ADGRL3: variants seen among roughly 807,000 people sequenced by gnomAD.
ADGRL3 encodes the protein adhesion G protein-coupled receptor L3.
Under a neutral mutation model 153.5 loss-of-function variants are expected in ADGRL3, and 62 were observed. That is an observed-to-expected ratio of 0.40 (90% CI 0.33 to 0.50). The LOEUF (loss-of-function observed/expected upper bound fraction) is 0.50, where lower values mean the gene tolerates loss of function less well. Among genes scored for constraint, ADGRL3 ranks in the 20% least tolerant of loss-of-function variants. The pLI, the probability that ADGRL3 is intolerant of heterozygous loss-of-function variation, is 0.47. For synonymous variants in ADGRL3, 710 were observed against 672.5 expected, an observed-to-expected ratio of 1.06 and a Z score of -0.86; for missense variants, 1,641 against 1,859.4, an observed-to-expected ratio of 0.88 and a Z score of 2.16.
chr4:61,388,867 C>A (rs1357074022), intron 2 of ADGRL3, among the ~76,000 whole-genome samples: 2 of 152,162 alleles, frequency 1.3e-5, no homozygotes, highest in Non-Finnish European at 2.9e-5. Context: ...CTCATGGCAG[C>A]CTTCCCTGCA....
intron 1 of ADGRL3, among the ~76,000 whole-genome samples, chr4:61,276,624 GT>G (rs532926236): frequency 3.7e-4 from 57 of 152,012 alleles, no homozygotes; most frequent in African/African-American, 1.4e-3. Flanking sequence ...ATTCATTTTT[GT>G]CAATTAGTAA....
chr4:61,737,583 A>G (rs1014133205), intron 8 of ADGRL3, among the ~76,000 whole-genome samples: 4 of 152,120 alleles, frequency 2.6e-5, no homozygotes, highest in Non-Finnish European at 5.9e-5. Context: ...AATAACTCCA[A>G]CCTCAGAAGA....
intron 2 of ADGRL3, among the ~76,000 whole-genome samples, chr4:61,425,871 T>TGGCC (rs1165694355): frequency 6.6e-6 from 1 of 152,240 alleles, no homozygotes; most frequent in African/African-American, 2.4e-5. Context: ...CGAGAGTCCA[T>TGGCC]GGCCAAAGCC....
intron 9 of ADGRL3, among the ~76,000 whole-genome samples, chr4:61,822,317 TC>T (rs1378211101): frequency 6.6e-6 from 1 of 152,168 alleles, no homozygotes; most frequent in Non-Finnish European, 1.5e-5. Context: ...TAAAGACAAT[TC>T]CCATTTATTA....
chr4:61,504,445 G>C (rs1331939795), intron 3 of ADGRL3, among the ~76,000 whole-genome samples: 2 of 152,188 alleles, frequency 1.3e-5, no homozygotes, highest in African/African-American at 4.8e-5. Context: ...GTAAGGATCA[G>C]TTACTCCAGG....
At chr4:61,717,161 G>T (rs1441477902) in intron 6 of ADGRL3, among the ~76,000 whole-genome samples, 3 of 150,742 alleles carry the variant, frequency 2.0e-5, no homozygotes, top group East Asian at 2.0e-4. Context: ...CATTTTTTTT[G>T]AAGTAGATGC....
chr4:61,353,248 C>T (rs1323803991), intron 1 of ADGRL3, among the ~76,000 whole-genome samples: 4 of 151,974 alleles, frequency 2.6e-5, no homozygotes, highest in Admixed American at 6.6e-5. Flanking sequence ...TATGTATACT[C>T]GCATATATAT....
chr4:61,497,950 A>C (rs535348816), intron 3 of ADGRL3, among the ~76,000 whole-genome samples: 2 of 152,310 alleles, frequency 1.3e-5, no homozygotes, highest in African/African-American at 4.8e-5. Flanking sequence ...TTTAGTCTTT[A>C]CTACACTTTT....
chr4:61,476,023 C>A (rs1263822163), intron 2 of ADGRL3, among the ~76,000 whole-genome samples: 2 of 152,086 alleles, frequency 1.3e-5, no homozygotes, highest in Non-Finnish European at 2.9e-5. Flanking sequence ...TTTCTTTGGG[C>A]TTTGCTGAGT....
chr4:61,417,357 G>A (rs947987234), intron 2 of ADGRL3, among the ~76,000 whole-genome samples: 2 of 152,120 alleles, frequency 1.3e-5, no homozygotes, highest in South Asian at 2.1e-4. Context: ...ATGGTGGTGC[G>A]TATCTGTGGT....
chr4:61,432,642 CTTTCTTTCTTTCTTTT>C lies in ADGRL3; in HGVS notation c.-174+49457_-174+49472del, dbSNP rs1560623586. 7.4e-3 allele frequency among the ~76,000 whole-genome samples: 170 copies of C among 22,950 alleles called. 10 individuals carry two copies. Among genetic ancestry groups the C allele is most frequent in the African/African-American group, 0.022 (158 of 7,112 alleles). The allele number at this position is 22,950 out of a possible 152,430, so 15.1% of individuals were successfully genotyped here. On this transcript the variant is annotated intron_variant, in intron 2 of 26. Transcript: ENST00000683033. ...TCTTTCTTTCTTTCTTTCTTTCTTT[CTTTCTTTCTTTCTTTT>C]TTTTTTTTTTTTGAGACAGAATTTC...
At chr4:61,783,168 AG>A (rs1390840817) in intron 8 of ADGRL3, among the ~76,000 whole-genome samples, 1 of 152,118 alleles carries the variant, frequency 6.6e-6, no homozygotes, top group African/African-American at 2.4e-5. Flanking sequence ...GGCCAAACAG[AG>A]GTTAAACTTG....
chr4:61,951,920 A>G (rs1174596438), intron 17 of ADGRL3, among the ~76,000 whole-genome samples: 1 of 152,146 alleles, frequency 6.6e-6, no homozygotes, highest in Non-Finnish European at 1.5e-5. Flanking sequence ...AGTTATTTCA[A>G]TAAGTCCTGG....
At chr4:61,654,338 G>T (rs1048829008) in intron 5 of ADGRL3, among the ~76,000 whole-genome samples, 1 of 151,604 alleles carries the variant, frequency 6.6e-6, no homozygotes, top group Non-Finnish European at 1.5e-5. Flanking sequence ...ATCAAATTTG[G>T]ATATGCGTAC....
chr4:61,839,415 C>T (rs918586398), intron 9 of ADGRL3, among the ~76,000 whole-genome samples: 8 of 151,900 alleles, frequency 5.3e-5, no homozygotes, highest in African/African-American at 1.9e-4. Flanking sequence ...GTGCTGGTCT[C>T]AAACTCTTGT....
At chr4:61,523,646 C>G (rs2098543632) in intron 4 of ADGRL3, among the ~76,000 whole-genome samples, 1 of 151,920 alleles carries the variant, frequency 6.6e-6, no homozygotes, top group Non-Finnish European at 1.5e-5. Context: ...TTTTTAAATG[C>G]TTGGTAGCCC....
At position 62,070,970 on chromosome 4, in the gene ADGRL3, A is replaced by T. The variant is rs1026034782; in HGVS notation, c.*62A>T. 1.5e-6 allele frequency: 2 copies of T among 1,339,474 alleles called. No homozygotes were observed. Among genetic ancestry groups the T allele is most frequent in the East Asian group, 5.0e-5 (2 of 39,718 alleles). The allele number at this position is 1,339,474 out of a possible 1,614,324, so 83.0% of individuals were successfully genotyped here. A position where few individuals can be genotyped will look rare whatever the true frequency, so the allele number is the denominator to read the frequency against. On this transcript the variant is annotated 3_prime_UTR_variant, in exon 27 of 27. Coordinates refer to ENST00000683033, the MANE Select transcript of ADGRL3 (RefSeq NM_001387552.1). ...ACACCTTGTTGACTGTTCTGAGTTG[A>T]TATAAGCAGTGGTAATAATGTGTGT...
chr4:61,335,827 T>G (rs1161626148), intron 1 of ADGRL3, among the ~76,000 whole-genome samples: 1 of 152,210 alleles, frequency 6.6e-6, no homozygotes, highest in Non-Finnish European at 1.5e-5. Context: ...ATTTCTTAAT[T>G]TCTATAAACT....
intron 2 of ADGRL3, among the ~76,000 whole-genome samples, chr4:61,412,696 C>T (rs2097102044): frequency 6.6e-6 from 1 of 152,154 alleles, no homozygotes; most frequent in African/African-American, 2.4e-5. Flanking sequence ...TCTCTCCTTC[C>T]TTTCCATTTG....
Sources: allele counts gnomAD v4.1 joint callset (sites outside exome capture counted in the v4.1 genomes callset), GRCh38; gene constraint gnomAD v4.1.1; transcripts MANE v1.5; gene names NCBI Gene and HGNC (gene_info 2026-07-23, HGNC 2026-07-21).